NRK: variants seen among roughly 807,000 people sequenced by gnomAD.
NRK encodes the protein Nik related kinase.
Under a neutral mutation model 125.2 loss-of-function variants are expected in NRK, and 67 were observed. The observed-to-expected ratio is 0.54, with a 90% CI of 0.44 to 0.66. NRK has a LOEUF of 0.66. Among genes scored for constraint, NRK ranks in the 30% least tolerant of loss-of-function variants. The pLI is 0.00. For missense variants in NRK, 1,224 were observed against 1,192.9 expected (o/e 1.03, Z -0.38); for synonymous variants, 458 against 429.0 (o/e 1.07, Z -0.84).
At chrX:105,883,598 A>G (rs2039909153) in intron 4 of NRK, among the ~76,000 whole-genome samples, 1 of 112,086 alleles carries the variant, frequency 8.9e-6, no homozygotes, top group Admixed American at 9.5e-5. Context: ...ATGCAACTAC[A>G]TAGCTGCCCA....
In NRK at chrX:105,945,386, A is replaced by G. The variant is rs1248588090; in HGVS notation, c.4060-486A>G. On this transcript the variant is annotated intron_variant, in intron 24 of 28. Transcript: ENST00000243300. ...GGAACACATCACATGTATACAATAA[A>G]GATGAGCAAATTCTTATGACTACCT... Among the ~76,000 whole-genome samples, 3 of 112,216 alleles carry G rather than the reference A, an allele frequency of 2.7e-5. No homozygotes were observed. In the East Asian group the frequency reaches 8.4e-4, roughly 32 times the overall value.
At chrX:105,892,384 A>G (rs1057240226) in intron 5 of NRK, among the ~76,000 whole-genome samples, 2 of 112,185 alleles carry the variant, frequency 1.8e-5, no homozygotes, top group African/African-American at 6.5e-5. Flanking sequence ...GACACTTCAC[A>G]AATTTTGGCC....
chrX:105,925,839 A>G (rs1035975776), intron 19 of NRK, among the ~76,000 whole-genome samples: 4 of 111,355 alleles, frequency 3.6e-5, no homozygotes, highest in Middle Eastern at 4.2e-3. Flanking sequence ...TTCTTTATCA[A>G]TTCATCTCTT....
chrX:105,927,564 G>A (rs2147775179), intron 19 of NRK, among the ~76,000 whole-genome samples: 1 of 111,371 alleles, frequency 9.0e-6, no homozygotes, highest in South Asian at 3.7e-4. Flanking sequence ...CCAGTTCTTA[G>A]AGGAAAGAAT....
intron 2 of NRK, among the ~76,000 whole-genome samples, chrX:105,871,360 G>A (rs368783258): frequency 9.0e-6 from 1 of 110,898 alleles, no homozygotes. Context: ...GGAGTACTTA[G>A]CCACAGTACT....
chrX:105,860,931 A>C (rs1775467028), intron 2 of NRK, among the ~76,000 whole-genome samples: 1 of 110,996 alleles, frequency 9.0e-6, no homozygotes, highest in African/African-American at 3.3e-5. Context: ...TAATGTTGAC[A>C]TGACCATTCA....
chrX:105,923,445 G>T lies in NRK; in HGVS notation c.2938G>T (p.Val980Leu), dbSNP rs1434670397. Residue 980 changes from valine to leucine, a missense_variant, in exon 18 of 29, where the codon GTA (valine) becomes TTA (leucine). Physicochemically the swap from Val to Leu is conservative, Grantham distance 32. Transcript: ENST00000243300. ...TGACAACAATAAGTTTGTTGATGATGTAAATAATAATTATTATGAGGCGCC... is the reference window on the plus strand; with the variant it reads ...TGACAACAATAAGTTTGTTGATGATTTAAATAATAATTATTATGAGGCGCC... Reference protein sequence around the residue: ...DDDNNKFVDDVNNNYYEAPSC... With the variant: ...DDDNNKFVDDLNNNYYEAPSC... The T allele has an allele frequency of 8.7e-7, 1 of 1,144,649 alleles. No homozygotes were observed. The highest frequency in any genetic ancestry group is 3.3e-5 in the East Asian group (1 of 30,570). The allele number at this position is 1,144,649 out of a possible 1,213,427, so 94.3% of individuals were successfully genotyped here.
intron 13 of NRK, among the ~76,000 whole-genome samples, chrX:105,910,313 C>G (rs947566298): frequency 8.9e-6 from 1 of 112,037 alleles, no homozygotes; most frequent in Non-Finnish European, 1.9e-5. Flanking sequence ...GAATGCCAAA[C>G]TATACTATTT....
At chrX:105,902,762 A>T (rs1446579516) in intron 9 of NRK, among the ~76,000 whole-genome samples, 1 of 111,356 alleles carries the variant, frequency 9.0e-6, no homozygotes, top group East Asian at 2.9e-4. Context: ...TGAACTAAGC[A>T]TGCAAGGGAT....
chrX:105,852,756 C>T (rs1024575967), intron 2 of NRK, among the ~76,000 whole-genome samples: 3 of 111,378 alleles, frequency 2.7e-5, no homozygotes, highest in African/African-American at 9.8e-5. Flanking sequence ...CATGAGTGTG[C>T]ACCACTTTCT....
intron 2 of NRK, among the ~76,000 whole-genome samples, chrX:105,836,565 C>T (rs2039268557): frequency 8.9e-6 from 1 of 111,948 alleles, no homozygotes; most frequent in South Asian, 3.7e-4. Context: ...TCATGGAAAA[C>T]AATCTGGGAG....
rs1000576652 is a variant in NRK, at chrX:105,945,875, T to A, written c.4063T>A (p.Cys1355Ser). Residue 1355 changes from cysteine (C) to serine (S), a missense_variant, in exon 25 of 29, where the codon TGC (cysteine) becomes AGC (serine). Cys to Ser is a moderately radical substitution (Grantham distance 112). Transcript: ENST00000243300. ...GGCCCTTTTCATTCCCTACCAAGTA[T>A]GCATTGATCAATCAGCAGACTCTGA... ...SFDESTAIKVCIDQSADSEGD... is the reference protein window; with the variant it reads ...SFDESTAIKVSIDQSADSEGD... 1 of 1,207,255 alleles carries A rather than the reference T, an allele frequency of 8.3e-7. No individual in the cohort carries two copies. Among genetic ancestry groups the A allele is most frequent in the Non-Finnish European group, 1.1e-6 (1 of 891,873 alleles).
At chrX:105,898,439 G>A (rs1002618217) in intron 7 of NRK, 145 bp from the exon 8 acceptor site, 1 of 465,580 alleles carries the variant, frequency 2.1e-6, no homozygotes, top group African/African-American at 2.5e-5. Flanking sequence ...TATTCCTGGA[G>A]TAGACTTCAT....
In NRK at chrX:105,908,900, A is replaced by G. The variant is rs2040254678; in HGVS notation, c.1259A>G (p.Gln420Arg). ...QGAARVFMPL[Q>R]ALDSAPKPLK... Reference sequence around the variant, plus strand: ...GCAGCCAGGGTATTCATGCCACTGCAGGCTCTGGACAGTGCACCTAAGCCT... The same window carrying G: ...GCAGCCAGGGTATTCATGCCACTGCGGGCTCTGGACAGTGCACCTAAGCCT... Residue 420 changes from glutamine (Q) to arginine (R), a missense_variant, in exon 13 of 29, where the codon CAG (glutamine) becomes CGG (arginine). Coordinates refer to ENST00000243300, the MANE Select transcript of NRK (RefSeq NM_198465.4). The G allele has an allele frequency of 5.0e-6, 6 of 1,211,081 alleles. No homozygotes were observed. Among genetic ancestry groups the G allele is most frequent in the Non-Finnish European group, 6.7e-6 (6 of 894,980 alleles).
rs2040657663 is a variant in NRK, at chrX:105,935,813, T to TA, written c.3655+488_3655+489insA. On this transcript the variant is annotated intron_variant, in intron 21 of 28. Coordinates refer to ENST00000243300, the MANE Select transcript of NRK (RefSeq NM_198465.4). Reference sequence around the variant, plus strand: ...CTATATATATTATATTTATTATATTTTATATATATATATATATACACAACT... The same window carrying TA: ...CTATATATATTATATTTATTATATTTATATATATATATATATATACACAACT... Among the ~76,000 whole-genome samples, 3 of 102,665 alleles carry TA rather than the reference T, an allele frequency of 2.9e-5. 1 individual carries two copies. Among genetic ancestry groups the TA allele is most frequent in the South Asian group, 8.4e-4 (2 of 2,394 alleles). The allele number at this position is 102,665 out of a possible 115,157, so 89.2% of individuals were successfully genotyped here.
chrX:105,880,232 G>A lies in NRK; in HGVS notation c.157G>A (p.Val53Ile). The change falls in exon 3 of 29, where the codon GTT becomes ATT. Residue 53 changes from valine to isoleucine, a missense_variant. By Grantham distance (29) the Val-to-Ile change is conservative. Coordinates refer to ENST00000243300, the MANE Select transcript of NRK (RefSeq NM_198465.4). The part of the protein sequence containing the change: ...LHEKTGAFTA[V>I]KVMNARKTPL... ...TGAGAAGACTGGTGCATTTACAGCT[G>A]TTAAAGTGATGAACGCTCGTAAGGT... The A allele has an allele frequency of 9.2e-7, 1 of 1,081,890 alleles. No individual in the cohort carries two copies. Among genetic ancestry groups the A allele is most frequent in the Non-Finnish European group, 1.2e-6 (1 of 807,922 alleles). 89.2% of individuals were successfully genotyped at this position (1,081,890 alleles called of 1,213,427 possible).
chrX:105,933,933 T>A (rs1436858554), intron 19 of NRK, among the ~76,000 whole-genome samples: 2 of 111,760 alleles, frequency 1.8e-5, no homozygotes, highest in African/African-American at 6.5e-5. Flanking sequence ...TGTTGGGCTA[T>A]GGTAAGGATT....
intron 4 of NRK, among the ~76,000 whole-genome samples, chrX:105,882,608 T>C (rs2039897334): frequency 9.0e-6 from 1 of 111,607 alleles, no homozygotes; most frequent in Admixed American, 9.6e-5. Flanking sequence ...ATTTCTAGCA[T>C]TTTGTGACTT....
intron 19 of NRK, among the ~76,000 whole-genome samples, chrX:105,927,259 TTG>T: frequency 9.0e-6 from 1 of 111,409 alleles, no homozygotes. Context: ...GGGATTGTTT[TTG>T]TGATTTCTTT....
Sources: gnomAD v4.1 joint callset for allele counts (sites outside exome capture counted in the v4.1 genomes callset) on GRCh38, gnomAD v4.1.1 for gene constraint, MANE v1.5 for transcripts, NCBI Gene and HGNC (gene_info 2026-07-23, HGNC 2026-07-21) for gene names.